Variants in PBX4 observed in about 807,000 individuals in gnomAD.
PBX4 encodes the protein pre-B-cell leukemia transcription factor 4.
PBX4 carries 26 observed loss-of-function variants against 35.1 expected under a neutral mutation model. The ratio of observed to expected loss-of-function variants is 0.74; its 90% CI spans 0.54 to 1.03. PBX4 has a LOEUF of 1.03. Ranked by LOEUF, PBX4 falls within the 50% of genes least tolerant of loss-of-function variation. The pLI is 0.00. For synonymous variants in PBX4, 199 were observed against 204.2 expected, an observed-to-expected ratio of 0.97 and a Z score of 0.22; for missense variants, 448 against 504.3, an observed-to-expected ratio of 0.89 and a Z score of 1.07.
intron 2 of PBX4, 59 bp from the exon 3 acceptor site, chr19:19,570,892 G>A (rs1166384401): frequency 1.3e-6 from 2 of 1,587,584 alleles, no homozygotes; most frequent in Admixed American, 1.7e-5. Flanking sequence ...AACAAACCAT[G>A]AGAAAATGTG....
intron 2 of PBX4, among the ~76,000 whole-genome samples, chr19:19,592,019 C>T (rs1194399554): frequency 1.3e-5 from 2 of 152,044 alleles, no homozygotes; most frequent in African/African-American, 4.8e-5. Context: ...CGCCACCATG[C>T]CCAGCTAGTT....
At chr19:19,618,154 G>A (rs1481289305) in intron 1 of PBX4, among the ~76,000 whole-genome samples, 2 of 151,908 alleles carry the variant, frequency 1.3e-5, no homozygotes, top group Non-Finnish European at 2.9e-5. Flanking sequence ...GAGCAAGACC[G>A]TGTCAAACAA....
At chr19:19,611,697 A>G (rs924455690) in intron 1 of PBX4, among the ~76,000 whole-genome samples, 1 of 151,254 alleles carries the variant, frequency 6.6e-6, no homozygotes, top group Non-Finnish European at 1.5e-5. Context: ...AAAAAAAAAA[A>G]GAAAGAAAAG....
intron 1 of PBX4, among the ~76,000 whole-genome samples, chr19:19,613,147 A>G (rs1057253142): frequency 6.6e-6 from 1 of 151,720 alleles, no homozygotes; most frequent in Non-Finnish European, 1.5e-5. Context: ...TAAAACAAAA[A>G]GAGCTATCTT....
chr19:19,596,240 A>G (rs2061560068), intron 2 of PBX4, among the ~76,000 whole-genome samples: 1 of 151,956 alleles, frequency 6.6e-6, no homozygotes, highest in South Asian at 2.1e-4. Context: ...AAAAATACAA[A>G]ATTAGCCAGG....
At chr19:19,566,700 CTTT>C (rs34778928) in intron 5 of PBX4, among the ~76,000 whole-genome samples, 10 of 97,896 alleles carry the variant, frequency 1.0e-4, no homozygotes, top group South Asian at 3.4e-4. Context: ...AATTTTTGTA[CTTT>C]TTTTTTTTTT....
Position 19,569,593 on chromosome 19 carries a change from A to G in PBX4, c.633-9T>C, listed in dbSNP as rs758251181. The G allele has an allele frequency of 2.5e-6, 4 of 1,612,710 alleles. No individual in the cohort carries two copies. The South Asian group carries it at 4.4e-5, about 18-fold the overall frequency. ...AATTCCGCCGCTTGCGCCTGCAAAAACAGCCGCCTTCGTAGGCATTAATAT... is the reference window on the plus strand; with the variant it reads ...AATTCCGCCGCTTGCGCCTGCAAAAGCAGCCGCCTTCGTAGGCATTAATAT... On this transcript the variant is annotated splice_polypyrimidine_tract_variant and intron_variant, in intron 4 of 7. Coordinates refer to ENST00000251203, the MANE Select transcript of PBX4 (RefSeq NM_025245.3).
chr19:19,583,439 C>T (rs1224837225), intron 2 of PBX4, among the ~76,000 whole-genome samples: 1 of 151,802 alleles, frequency 6.6e-6, no homozygotes, highest in Non-Finnish European at 1.5e-5. Flanking sequence ...AGCAAGACCC[C>T]ATCTCTACAA....
intron 1 of PBX4, among the ~76,000 whole-genome samples, chr19:19,607,399 GA>G (rs1158066170): frequency 3.3e-5 from 5 of 151,368 alleles, no homozygotes; most frequent in Non-Finnish European, 7.4e-5. Context: ...AGAAAAATTC[GA>G]AAAAAAGGAA....
Position 19,617,314 on chromosome 19 carries a change from T to G in PBX4, c.119+1197A>C, listed in dbSNP as rs1044509695. Among the ~76,000 whole-genome samples the G allele has an allele frequency of 2.0e-5, 3 of 152,086 alleles. No individual in the cohort carries two copies. In the East Asian group the frequency reaches 5.8e-4, roughly 29 times the overall value. ...CCATGCTACCATGCCTGGCTTATAC[T>G]TTTTTGCTTTTGTTTGAGACAGGGT... On this transcript the variant is annotated intron_variant, in intron 1 of 7. Transcript: ENST00000251203.
rs148760242 is a variant in PBX4, at chr19:19,570,826, G to C, written c.201C>G (p.Ser67Arg). The C allele has an allele frequency of 2.3e-5, 37 of 1,614,004 alleles. No individual in the cohort carries two copies. In the African/African-American group the frequency reaches 4.3e-4, roughly 19 times the overall value. The stretch of plus-strand genomic sequence containing the variant: ...GATCTTCGTCTTGAATGCCACGGAT[G>C]CTTACCACTAGATAAGAGAGACCGG... ...LCEIKEKTVV[S>R]IRGIQDEDPP... The change falls in exon 3 of 8, where the codon AGC (serine) becomes AGG (arginine). Residue 67 changes from serine to arginine, a missense_variant. By Grantham distance (110) the Ser-to-Arg change is moderately radical (BLOSUM62 -1). Transcript: ENST00000251203.
At chr19:19,578,146 T>C (rs2061431987) in intron 2 of PBX4, among the ~76,000 whole-genome samples, 1 of 142,558 alleles carries the variant, frequency 7.0e-6, no homozygotes, top group Admixed American at 7.2e-5. Flanking sequence ...GCCAAGATCA[T>C]GCCACTGCAC....
At position 19,618,642 on chromosome 19, in the gene PBX4, C is replaced by G. The variant is rs1001789328; in HGVS notation, c.-13G>C. 12 of 1,211,824 alleles carry G rather than the reference C, an allele frequency of 9.9e-6. No individual in the cohort carries two copies. The highest frequency in any genetic ancestry group is 1.1e-5 in the Non-Finnish European group (11 of 973,988). The allele number at this position is 1,211,824 out of a possible 1,614,324, so 75.1% of individuals were successfully genotyped here. A position where few individuals can be genotyped will look rare whatever the true frequency, so the allele number is the denominator to read the frequency against. On this transcript the variant is annotated 5_prime_UTR_variant, in exon 1 of 8. Transcript: ENST00000251203. ...GCGGGGCGGCCATGAGCGGCAGGGC[C>G]GGGCGGGCGCTGTGAGGGTGCCGTC...
intron 2 of PBX4, among the ~76,000 whole-genome samples, chr19:19,593,526 TC>T (rs1172880245): frequency 6.6e-6 from 1 of 152,046 alleles, no homozygotes; most frequent in Non-Finnish European, 1.5e-5. Context: ...GCTGAGGTGT[TC>T]CTGACATCAA....
At position 19,563,570 on chromosome 19, in the gene PBX4, AGGAAGGCGTCCCCAGCGCTGGGCAGCG is replaced by A; in HGVS notation, c.944_970del (p.Pro315_Phe323del). 6.4e-7 allele frequency: 1 copy of A among 1,550,438 alleles called. No individual in the cohort carries two copies. Among genetic ancestry groups the A allele is most frequent in the Non-Finnish European group, 8.7e-7 (1 of 1,147,092 alleles). On this transcript the variant is annotated inframe_deletion, in exon 7 of 8. Transcript: ENST00000251203. The surrounding 1 kb of genome is among the most constrained non-coding windows in gnomAD (Gnocchi z 5.1). ...GAGAGAGGCCAGAGTCCGCAGGGTG[AGGAAGGCGTCCCCAGCGCTGGGCAGCG>A]GGAAGGGTCCAGAGGAGCCTGGAAG...
intron 2 of PBX4, among the ~76,000 whole-genome samples, chr19:19,586,597 C>T (rs772568067): frequency 4.1e-4 from 62 of 152,038 alleles, no homozygotes; most frequent in Middle Eastern, 3.4e-3. Flanking sequence ...GGCAGCACAT[C>T]TGGAAAAACA....
chr19:19,566,888 C>T (rs989632096), intron 5 of PBX4, among the ~76,000 whole-genome samples: 3 of 152,000 alleles, frequency 2.0e-5, no homozygotes, highest in Non-Finnish European at 4.4e-5. Context: ...TTTTGTATTT[C>T]CAGTAGCCAC....
chr19:19,604,688 C>T (rs141581526), intron 1 of PBX4, among the ~76,000 whole-genome samples: 2,228 of 152,010 alleles, frequency 0.015, 74 homozygotes, highest in South Asian at 0.071. Context: ...GCAACCTCCA[C>T]CTCCCAGGTT....
intron 1 of PBX4, among the ~76,000 whole-genome samples, chr19:19,603,773 A>G (rs950981983): frequency 6.6e-6 from 1 of 152,140 alleles, no homozygotes; most frequent in African/African-American, 2.4e-5. Context: ...CCTGGCCAAC[A>G]TAGTGAGACA....
Sources: gnomAD v4.1 joint callset for allele counts (sites outside exome capture counted in the v4.1 genomes callset) on GRCh38, gnomAD v4.1.1 for gene constraint, Gnocchi (gnomAD v3.1) non-coding constraint, MANE v1.5 for transcripts, NCBI Gene and HGNC (gene_info 2026-07-23, HGNC 2026-07-21) for gene names.